Variants in VPS13B observed in about 807,000 individuals in gnomAD.
The protein encoded by VPS13B is intermembrane lipid transfer protein VPS13B.
In VPS13B, 285 loss-of-function variants were observed where a neutral mutation model predicts 426.4. That is an observed-to-expected ratio of 0.67 (90% CI 0.61 to 0.74). The LOEUF (loss-of-function observed/expected upper bound fraction) is 0.74, where lower values mean the gene tolerates loss of function less well. Among genes scored for constraint, VPS13B ranks in the 30% least tolerant of loss-of-function variants. VPS13B has a pLI of 0.00. For missense variants in VPS13B, 4,537 were observed against 4,782.6 expected (o/e 0.95, Z 1.51); for synonymous variants, 1,676 against 1,676.4 (o/e 1.00, Z 0.01).
chr8:99,209,808 A>G (rs1274420521), intron 17 of VPS13B: 1 of 826,384 alleles, frequency 1.2e-6, no homozygotes. Flanking sequence ...AAGAGAAATT[A>G]CATTTGAAAT....
chr8:99,697,313 C>T (rs1563869251), intron 35 of VPS13B: 4 of 574,598 alleles, frequency 7.0e-6, no homozygotes, highest in South Asian at 2.0e-5. Flanking sequence ...ATGTCGCGCC[C>T]GAAGGTGTGG....
At chr8:99,282,752 T>C (rs1021994938) in intron 19 of VPS13B, among the ~76,000 whole-genome samples, 19 of 152,208 alleles carry the variant, frequency 1.2e-4, no homozygotes, top group Non-Finnish European at 2.6e-4. Context: ...TTAAAATAAG[T>C]GTTCCTCTTA....
intron 34 of VPS13B, among the ~76,000 whole-genome samples, chr8:99,643,336 T>G (rs1009466978): frequency 6.6e-6 from 1 of 152,170 alleles, no homozygotes. Context: ...GCTGGTCCCA[T>G]CCAGTAGGTG....
intron 23 of VPS13B, among the ~76,000 whole-genome samples, chr8:99,452,351 A>G (rs1266959793): frequency 2.6e-5 from 4 of 152,078 alleles, no homozygotes; most frequent in Admixed American, 6.6e-5. Flanking sequence ...TCCAGTCATC[A>G]CTTTTACAAA....
chr8:99,641,096 G>T (rs1024850968), intron 33 of VPS13B, among the ~76,000 whole-genome samples: 1 of 152,180 alleles, frequency 6.6e-6, no homozygotes, highest in Non-Finnish European at 1.5e-5. Context: ...TATACATGGG[G>T]AGTCATTGGT....
chr8:99,090,099 C>T (rs1846057531), intron 3 of VPS13B, among the ~76,000 whole-genome samples: 1 of 151,920 alleles, frequency 6.6e-6, no homozygotes, highest in South Asian at 2.1e-4. Flanking sequence ...GTTTGGAATG[C>T]CTATGGCTTG....
rs762365698 is a variant in VPS13B at position 99,147,931 on chromosome 8, T to A, written c.1934T>A (p.Leu645His). The change falls in exon 14 of 62, where the codon CTC becomes CAC. Residue 645 changes from leucine (L) to histidine (H), a missense_variant. By Grantham distance (99) the Leu-to-His change is moderately conservative. Around this residue, in one of 2 missense-constraint regions of VPS13B, gnomAD observed 4,311 missense variants for 4,474.3 expected, o/e 0.96. Coordinates refer to ENST00000357162, the MANE Select transcript of VPS13B (RefSeq NM_152564.5). ...YIPTRHTSVTLLKCTCTISMA... is the reference protein window; with the variant it reads ...YIPTRHTSVTHLKCTCTISMA... ...CCTACTCGACATACAAGTGTTACTCTCCTCAAATGTACCTGCACAATTTCC... is the reference window on the plus strand; with the variant it reads ...CCTACTCGACATACAAGTGTTACTCACCTCAAATGTACCTGCACAATTTCC... 11 of 1,613,896 alleles carry A rather than the reference T, an allele frequency of 6.8e-6. No individual in the cohort carries two copies. Among genetic ancestry groups the A allele is most frequent in the Non-Finnish European group, 7.6e-6 (9 of 1,179,866 alleles).
Position 99,310,020 on chromosome 8 carries a change from G to A in VPS13B, c.2824+34766G>A, listed in dbSNP as rs375789482. Among the ~76,000 whole-genome samples, 15 of 152,286 alleles carry A rather than the reference G, an allele frequency of 9.8e-5. No individual in the cohort carries two copies. In the East Asian group the frequency reaches 2.3e-3, roughly 23 times the overall value. On this transcript the variant is annotated intron_variant, in intron 19 of 61. Coordinates refer to ENST00000357162, the MANE Select transcript of VPS13B (RefSeq NM_152564.5). ...GTGTATAAGAATGCTTGTGATTTTT[G>A]TACATTCATTTTGTATCCTGAGACT...
chr8:99,659,612 A>G (rs1467677148), intron 34 of VPS13B, among the ~76,000 whole-genome samples: 1 of 152,224 alleles, frequency 6.6e-6, no homozygotes, highest in Non-Finnish European at 1.5e-5. Flanking sequence ...TAAATATGCC[A>G]CAAGGATAAC....
intron 19 of VPS13B, among the ~76,000 whole-genome samples, chr8:99,358,050 A>G (rs554976624): frequency 6.6e-6 from 1 of 151,884 alleles, no homozygotes; most frequent in Admixed American, 6.6e-5. Flanking sequence ...CACACTTAAT[A>G]TATGTGCCCA....
At chr8:99,251,679 A>G (rs1442189488) in intron 17 of VPS13B, among the ~76,000 whole-genome samples, 3 of 152,222 alleles carry the variant, frequency 2.0e-5, no homozygotes, top group Non-Finnish European at 4.4e-5. Context: ...GGGTGATTCT[A>G]GCTTCATAAA....
In VPS13B at chr8:99,166,366, T is replaced by C. The variant is rs938886481; in HGVS notation, c.2209-3673T>C. Among the ~76,000 whole-genome samples the C allele has an allele frequency of 7.9e-5, 12 of 152,354 alleles. No homozygotes were observed. In the East Asian group the frequency reaches 2.1e-3, roughly 27 times the overall value. On this transcript the variant is annotated intron_variant, in intron 15 of 61. Coordinates refer to ENST00000357162, the MANE Select transcript of VPS13B (RefSeq NM_152564.5). ...TCACCTAATTGGGATTTCAACTTATTGTTCCCACCATGTTGATTATAAATG... is the reference window on the plus strand; with the variant it reads ...TCACCTAATTGGGATTTCAACTTATCGTTCCCACCATGTTGATTATAAATG...
At chr8:99,645,755 A>C (rs967746737) in intron 34 of VPS13B, among the ~76,000 whole-genome samples, 4 of 152,174 alleles carry the variant, frequency 2.6e-5, no homozygotes, top group African/African-American at 9.7e-5. Context: ...GTTTTATTAA[A>C]TGTTAATGAA....
chr8:99,043,138 G>A (rs898721693), intron 3 of VPS13B, among the ~76,000 whole-genome samples: 1 of 151,098 alleles, frequency 6.6e-6, no homozygotes, highest in African/African-American at 2.4e-5. Flanking sequence ...ACAGGACGAA[G>A]TTTTTTTTTG....
chr8:99,332,116 C>T (rs968895808), intron 19 of VPS13B, among the ~76,000 whole-genome samples: 2 of 151,484 alleles, frequency 1.3e-5, no homozygotes, highest in African/African-American at 4.8e-5. Context: ...TTTCTTATAA[C>T]ATATTGATAA....
At chr8:99,744,262 C>A (rs1809943763) in intron 39 of VPS13B, among the ~76,000 whole-genome samples, 1 of 152,176 alleles carries the variant, frequency 6.6e-6, no homozygotes, top group African/African-American at 2.4e-5. Context: ...ATCAAAACCA[C>A]AGTGAGATAC....
At position 99,654,640 on chromosome 8, in the gene VPS13B, C is replaced by T. The variant is rs891532028; in HGVS notation, c.5909-6714C>T. 4.6e-5 allele frequency among the ~76,000 whole-genome samples: 7 copies of T among 152,084 alleles called. No individual in the cohort carries two copies. In the East Asian group the frequency reaches 5.8e-4, roughly 13 times the overall value. On this transcript the variant is annotated intron_variant, in intron 34 of 61. Coordinates refer to ENST00000357162, the MANE Select transcript of VPS13B (RefSeq NM_152564.5). ...TATTGCAGAGGATTACACTTGAAGC[C>T]GTTGAGCATAGCCAAAACCATTCAC...
chr8:99,447,628 A>G (rs1042084549), intron 23 of VPS13B, among the ~76,000 whole-genome samples: 3 of 152,106 alleles, frequency 2.0e-5, no homozygotes, highest in African/African-American at 7.2e-5. Context: ...CCTGGCTTTA[A>G]TTATCTTTAC....
chr8:99,612,943 G>A (rs1827906510), intron 33 of VPS13B, among the ~76,000 whole-genome samples: 2 of 151,824 alleles, frequency 1.3e-5, no homozygotes, highest in African/African-American at 4.8e-5. Flanking sequence ...TAATTCTGTG[G>A]CAGCTGTCAT....
Sources: gnomAD v4.1 joint callset for allele counts (sites outside exome capture counted in the v4.1 genomes callset) on GRCh38, gnomAD v4.1.1 for gene constraint, gnomAD v4.1.1 regional missense constraint, MANE v1.5 for transcripts, NCBI Gene and HGNC (gene_info 2026-07-23, HGNC 2026-07-21) for gene names.